SPEN: variants seen among roughly 807,000 people sequenced by gnomAD.
SPEN encodes the protein spen family transcriptional repressor, also known as msx2-interacting protein.
In SPEN, 18 loss-of-function variants were observed where a neutral mutation model predicts 269.9. The ratio of observed to expected loss-of-function variants is 0.07; its 90% CI spans 0.05 to 0.10. The LOEUF (loss-of-function observed/expected upper bound fraction) is 0.10. Among genes scored for constraint, SPEN ranks in the 10% least tolerant of loss-of-function variants. The pLI is 1.00. For synonymous variants in SPEN, 1,726 were observed against 1,765.7 expected, an observed-to-expected ratio of 0.98 and a Z score of 0.56; for missense variants, 3,822 against 4,631.2, an observed-to-expected ratio of 0.83 and a Z score of 5.07.
Position 15,909,391 on chromosome 1 carries a change from C to A in SPEN, c.952C>A (p.Pro318Thr). The stretch of plus-strand genomic sequence containing the variant: ...AGTTCAGTCTGCAGCAGTCCCTGCA[C>A]CCACTTCCCAGTTGCTTTCATCTCT... ...RSVQSAAVPA[P>T]TSQLLSSLEK... The change falls in exon 4 of 15, where the codon CCC becomes ACC. Residue 318 changes from proline to threonine, a missense_variant. Pro to Thr is a conservative substitution (Grantham distance 38). Around this residue, in one of 16 missense-constraint regions of SPEN, gnomAD observed 327 missense variants for 350.8 expected, o/e 0.93. Transcript: ENST00000375759. 1 of 1,614,194 alleles carries A rather than the reference C, an allele frequency of 6.2e-7. No individual in the cohort carries two copies. Among genetic ancestry groups the A allele is most frequent in the Non-Finnish European group, 8.5e-7 (1 of 1,180,030 alleles).
intron 3 of SPEN, among the ~76,000 whole-genome samples, chr1:15,883,941 C>G (rs2070712904): frequency 6.6e-6 from 1 of 151,510 alleles, no homozygotes; most frequent in African/African-American, 2.4e-5. Flanking sequence ...TCCCGAGTAG[C>G]TGGGCCTACA....
intron 3 of SPEN, among the ~76,000 whole-genome samples, chr1:15,886,094 A>G (rs986106149): frequency 1.3e-5 from 2 of 152,186 alleles, no homozygotes; most frequent in East Asian, 3.8e-4. Context: ...TTTTTGGTCA[A>G]ATACAGCATT....
Position 15,934,123 on chromosome 1 carries a change from G to C in SPEN, c.7883G>C (p.Ser2628Thr), listed in dbSNP as rs2071250274. ...TCTGTTATTAGCCGGATGCCTGTCAGCATTGACCTGGAAAATTCACAGAAG... is the reference window on the plus strand; with the variant it reads ...TCTGTTATTAGCCGGATGCCTGTCACCATTGACCTGGAAAATTCACAGAAG... ...ITSVISRMPV[S>T]IDLENSQKIT... is the part of the protein sequence containing the mutation. The change falls in exon 11 of 15, where the codon AGC (serine) becomes ACC (threonine). Residue 2628 changes from serine (S) to threonine (T), a missense_variant. By Grantham distance (58) the Ser-to-Thr change is moderately conservative (BLOSUM62 1). Coordinates refer to ENST00000375759, the MANE Select transcript of SPEN (RefSeq NM_015001.3). The surrounding 1 kb of genome is among the most constrained non-coding windows in gnomAD (Gnocchi z 9.2). 1 of 1,613,974 alleles carries C rather than the reference G, an allele frequency of 6.2e-7. No individual in the cohort carries two copies. The highest frequency in any genetic ancestry group is 1.3e-5 in the African/African-American group (1 of 74,930).
In SPEN at chr1:15,929,950, T is replaced by A. The variant is rs149086318; in HGVS notation, c.3710T>A (p.Ile1237Asn). 6.1e-5 allele frequency: 98 copies of A among 1,614,120 alleles called. 1 individual carries two copies. The South Asian group carries it at 1.1e-3, about 17-fold the overall frequency. ...AGGATGGATCATGTCGATTTTGATA[T>A]CTGCACCAAGCGAGAACGGAATTAC... is the stretch of plus-strand genomic sequence containing the variant. ...KKRMDHVDFD[I>N]CTKRERNYRS... The change falls in exon 11 of 15, where the codon ATC becomes AAC. Residue 1237 changes from isoleucine (I) to asparagine (N), a missense_variant. Around this residue, in one of 16 missense-constraint regions of SPEN, gnomAD observed 267 missense variants for 315.5 expected, o/e 0.85. Coordinates refer to ENST00000375759, the MANE Select transcript of SPEN (RefSeq NM_015001.3). The surrounding 1 kb of genome is among the most constrained non-coding windows in gnomAD (Gnocchi z 5.8).
In SPEN at chr1:15,864,293, C is replaced by T. The variant is rs145682712; in HGVS notation, c.84-8523C>T. 7.1e-3 allele frequency among the ~76,000 whole-genome samples: 1,084 copies of T among 152,076 alleles called. 13 individuals are homozygous for T. Among genetic ancestry groups the T allele is most frequent in the African/African-American group, 0.025 (1,045 of 41,498 alleles). ...AAGTGATTCTCGTGTCTCAGCCTCC[C>T]AAGCAGCTGGGACTACAGGCGCTTG... On this transcript the variant is annotated intron_variant, in intron 1 of 14. Transcript: ENST00000375759.
At position 15,919,179 on chromosome 1, in the gene SPEN, A is replaced by G. The variant is rs141143245; in HGVS notation, c.1521+128A>G. ...TAAGACAGATAACCATAAAAGTGATATACTTCTTTGCATTCCTATCCTATT... is the reference window on the plus strand; with the variant it reads ...TAAGACAGATAACCATAAAAGTGATGTACTTCTTTGCATTCCTATCCTATT... On this transcript the variant is annotated intron_variant, in intron 7 of 14. Transcript: ENST00000375759. The G allele has an allele frequency of 1.1e-4, 88 of 836,664 alleles. No homozygotes were observed. In the East Asian group the frequency reaches 2.2e-3, roughly 21 times the overall value. 51.8% of individuals were successfully genotyped at this position (836,664 alleles called of 1,614,324 possible). A position where few individuals can be genotyped will look rare whatever the true frequency, so the allele number is the denominator to read the frequency against.
In SPEN at chr1:15,848,324, G is replaced by T. The variant is rs1483623663; in HGVS notation, c.83+174G>T. On this transcript the variant is annotated intron_variant, in intron 1 of 14. Coordinates refer to ENST00000375759, the MANE Select transcript of SPEN (RefSeq NM_015001.3). The surrounding 1 kb of genome is among the most constrained non-coding windows in gnomAD (Gnocchi z 5.1). ...CCCGCGTCGCGGCGTTGGGCCTCGG[G>T]TGTCGGCGGTGCGGGCGGCCAAGCC... is the stretch of plus-strand genomic sequence containing the variant. 1.3e-5 allele frequency among the ~76,000 whole-genome samples: 2 copies of T among 151,214 alleles called. No individual in the cohort carries two copies. Among genetic ancestry groups the T allele is most frequent in the Non-Finnish European group, 3.0e-5 (2 of 67,698 alleles).
intron 4 of SPEN, among the ~76,000 whole-genome samples, chr1:15,910,124 T>TAAAAA (rs57198076): frequency 1.5e-5 from 1 of 65,702 alleles, no homozygotes; most frequent in African/African-American, 5.6e-5. Context: ...ACTCTGTCTC[T>TAAAAA]AAAAAAAAAA....
In SPEN at chr1:15,876,642, A is replaced by C; in HGVS notation, c.845A>C (p.Asp282Ala). Residue 282 changes from aspartate to alanine, a missense_variant, in exon 3 of 15, where the codon GAT becomes GCT. Transcript: ENST00000375759. ...SGSRSRSSSS[D>A]SISSSSSTSS... The stretch of plus-strand genomic sequence containing the variant: ...TCTAGAAGTAGATCCTCCAGTAGTG[A>C]TTCAATCAGCAGCAGCAGTAGTACC... 1 of 1,613,544 alleles carries C rather than the reference A, an allele frequency of 6.2e-7. No individual in the cohort carries two copies. Among genetic ancestry groups the C allele is most frequent in the Non-Finnish European group, 8.5e-7 (1 of 1,179,926 alleles).
Position 15,929,106 on chromosome 1 carries a change from G to A in SPEN, c.2866G>A (p.Gly956Ser). Residue 956 changes from glycine to serine, a missense_variant, in exon 11 of 15, where the codon GGC becomes AGC. Around this residue, in one of 16 missense-constraint regions of SPEN, gnomAD observed 572 missense variants for 582.6 expected, o/e 0.98. Coordinates refer to ENST00000375759, the MANE Select transcript of SPEN (RefSeq NM_015001.3). The surrounding 1 kb of genome is among the most constrained non-coding windows in gnomAD (Gnocchi z 5.8). ...SSHVEVVEKE[G>S]RLKARKHLKP... ...CCATGTTGAAGTGGTGGAGAAGGAA[G>A]GCAGGCTTAAAGCCAGGAAGCACCT... 6.2e-7 allele frequency: 1 copy of A among 1,614,246 alleles called. No individual in the cohort carries two copies. Among genetic ancestry groups the A allele is most frequent in the Non-Finnish European group, 8.5e-7 (1 of 1,180,044 alleles).
chr1:15,886,011 C>T (rs182852927), intron 3 of SPEN, among the ~76,000 whole-genome samples: 281 of 152,286 alleles, frequency 1.8e-3, no homozygotes, highest in African/African-American at 6.5e-3. Context: ...AGAGTACTTA[C>T]TTAATTGTTC....
Position 15,932,313 on chromosome 1 carries a change from G to A in SPEN, c.6073G>A (p.Glu2025Lys). 1.2e-6 allele frequency: 2 copies of A among 1,610,542 alleles called. No homozygotes were observed. Reference protein sequence around the residue: ...TEVGPQIGVKESSMEPKAAEE... With the variant: ...TEVGPQIGVKKSSMEPKAAEE... The stretch of plus-strand genomic sequence containing the variant: ...GGTGGGCCCCCAAATAGGCGTGAAA[G>A]AGAGCTCCATGGAACCCAAGGCTGC... The change falls in exon 11 of 15, where the codon GAG (glutamate) becomes AAG (lysine). Residue 2025 changes from glutamate (E) to lysine (K), a missense_variant. Glu to Lys is a moderately conservative substitution (Grantham distance 56). Around this residue, in one of 16 missense-constraint regions of SPEN, gnomAD observed 727 missense variants for 737.9 expected, o/e 0.99. Transcript: ENST00000375759. This position sits in a 1 kb window ranked among gnomAD's most constrained non-coding sequence, Gnocchi z 4.2.
At chr1:15,921,236 A>G (rs973605667) in intron 9 of SPEN, among the ~76,000 whole-genome samples, 2 of 152,194 alleles carry the variant, frequency 1.3e-5, no homozygotes, top group Non-Finnish European at 2.9e-5. Context: ...AGGCTGAGGC[A>G]GGAGAATTGC....
rs2071091116 is a variant in SPEN at position 15,919,038 on chromosome 1, A to G, written c.1508A>G (p.Asn503Ser). ...AAGATGGATGGGGAATATCTTGGAAATAATCGCCTCAAGGTAAATGAATTT... is the reference window on the plus strand; with the variant it reads ...AAGATGGATGGGGAATATCTTGGAAGTAATCGCCTCAAGGTAAATGAATTT... ...IKKMDGEYLGNNRLKLGFGKS... is the reference protein window; with the variant it reads ...IKKMDGEYLGSNRLKLGFGKS... Residue 503 changes from asparagine (N) to serine (S), a missense_variant, in exon 7 of 15, where the codon AAT becomes AGT. Around this residue, in one of 16 missense-constraint regions of SPEN, gnomAD observed 230 missense variants for 426.1 expected, o/e 0.54. Coordinates refer to ENST00000375759, the MANE Select transcript of SPEN (RefSeq NM_015001.3). 1.2e-6 allele frequency: 2 copies of G among 1,612,018 alleles called. No homozygotes were observed. The highest frequency in any genetic ancestry group is 8.5e-7 in the Non-Finnish European group (1 of 1,179,336).
chr1:15,848,745 T>A lies in SPEN; in HGVS notation c.83+595T>A, dbSNP rs1272528612. 6.6e-6 allele frequency among the ~76,000 whole-genome samples: 1 copy of A among 152,194 alleles called. No homozygotes were observed. The highest frequency in any genetic ancestry group is 2.4e-5 in the African/African-American group (1 of 41,458). On this transcript the variant is annotated intron_variant, in intron 1 of 14. Transcript: ENST00000375759. The surrounding 1 kb of genome is among the most constrained non-coding windows in gnomAD (Gnocchi z 5.1). The stretch of plus-strand genomic sequence containing the variant: ...TTGCAGCCTTGAAACTCACTGGGAA[T>A]GGCAAACGTTTCTCGTTTTTGCGGG...
At position 15,920,924 on chromosome 1, in the gene SPEN, T is replaced by C. The variant is rs1557755648; in HGVS notation, c.1690T>C (p.Tyr564His). 1 of 1,613,366 alleles carries C rather than the reference T, an allele frequency of 6.2e-7. No homozygotes were observed. Among genetic ancestry groups the C allele is most frequent in the Non-Finnish European group, 8.5e-7 (1 of 1,179,826 alleles). The change falls in exon 9 of 15, where the codon TAT becomes CAT. Residue 564 changes from tyrosine to histidine, a missense_variant. By Grantham distance (83) the Tyr-to-His change is moderately conservative. Coordinates refer to ENST00000375759, the MANE Select transcript of SPEN (RefSeq NM_015001.3). ...MALVLYNEIE[Y>H]AQAAVKETKG... ...CCTGGTTCTCTACAATGAAATTGAA[T>C]ATGCACAAGCAGCTGTAAAAGAGAC...
intron 5 of SPEN, among the ~76,000 whole-genome samples, chr1:15,914,607 G>A (rs2071039731): frequency 6.6e-6 from 1 of 152,160 alleles, no homozygotes; most frequent in African/African-American, 2.4e-5. Context: ...CGGATCACCT[G>A]AGGTCAGGAG....
chr1:15,930,955 C>G lies in SPEN; in HGVS notation c.4715C>G (p.Thr1572Arg). Residue 1572 changes from threonine (T) to arginine (R), a missense_variant, in exon 11 of 15, where the codon ACA becomes AGA. Transcript: ENST00000375759. This position sits in a 1 kb window ranked among gnomAD's most constrained non-coding sequence, Gnocchi z 5.3. ...GKQTSEGANS[T>R]TDSIQEPVVL... is the part of the protein sequence containing the mutation. ...CAGACATCTGAGGGAGCAAACAGCA[C>G]AACTGATTCCATTCAAGAACCAGTA... 6.2e-7 allele frequency: 1 copy of G among 1,614,134 alleles called. No homozygotes were observed. The highest frequency in any genetic ancestry group is 8.5e-7 in the Non-Finnish European group (1 of 1,180,030).
At chr1:15,852,274 GCCATACCAC>G (rs1176294294) in intron 1 of SPEN, among the ~76,000 whole-genome samples, 3 of 151,862 alleles carry the variant, frequency 2.0e-5, no homozygotes, top group East Asian at 3.9e-4. Context: ...CTTGTCTATG[GCCATACCAC>G]CCATACCACC....
Sources: allele counts gnomAD v4.1 joint callset (sites outside exome capture counted in the v4.1 genomes callset), GRCh38; gene constraint gnomAD v4.1.1; regional missense constraint gnomAD v4.1.1; non-coding constraint Gnocchi (gnomAD v3.1); transcripts MANE v1.5; gene names NCBI Gene and HGNC (gene_info 2026-07-23, HGNC 2026-07-21).